The following SMG6 variants were observed in gnomAD, a reference collection of about 807,000 sequenced individuals.
SMG6 encodes the protein SMG6 nonsense mediated mRNA decay factor.
In SMG6, 66 loss-of-function variants were observed where a neutral mutation model predicts 142.2. The ratio of observed to expected loss-of-function variants is 0.46; its 90% confidence interval spans 0.38 to 0.57. The LOEUF is 0.57. Among genes scored for constraint, SMG6 ranks in the 20% least tolerant of loss-of-function variants. The pLI, the probability that SMG6 is intolerant of heterozygous loss-of-function variation, is 0.00. For synonymous variants in SMG6, 779 were observed against 702.4 expected (o/e 1.11, Z -1.72); for missense variants, 1,793 against 1,832.0 (o/e 0.98, Z 0.39).
chr17:2,250,622 C>A (rs1399964913), intron 8 of SMG6, among the ~76,000 whole-genome samples: 1 of 151,970 alleles, frequency 6.6e-6, no homozygotes, highest in South Asian at 2.1e-4. Flanking sequence ...TGGGCTCAAG[C>A]GATCCTCTGC....
chr17:2,298,885 C>A, intron 2 of SMG6, 21 bp downstream of exon 2: 2 of 1,597,082 alleles, frequency 1.3e-6, no homozygotes, highest in South Asian at 1.1e-5. Context: ...TTCCCTCCAG[C>A]CAGAATAGAC....
At chr17:2,107,624 C>T (rs1316431770) in intron 13 of SMG6, among the ~76,000 whole-genome samples, 2 of 152,166 alleles carry the variant, frequency 1.3e-5, no homozygotes, top group Non-Finnish European at 2.9e-5. Context: ...CTCCTCTGGG[C>T]ACTAGTTCAC....
chr17:2,286,535 G>T (rs998531200), intron 6 of SMG6, among the ~76,000 whole-genome samples: 3 of 152,122 alleles, frequency 2.0e-5, no homozygotes, highest in Non-Finnish European at 4.4e-5. Flanking sequence ...GGTGCTGAGA[G>T]AATGTAATAA....
chr17:2,215,492 G>A (rs1160898262), intron 10 of SMG6: 3 of 152,092 alleles, frequency 2.0e-5, no homozygotes, highest in Non-Finnish European at 2.9e-5. Context: ...TCATGGAGAG[G>A]TTTATTTTAT....
At chr17:2,302,366 C>A (rs979227963) in intron 1 of SMG6, among the ~76,000 whole-genome samples, 2 of 152,172 alleles carry the variant, frequency 1.3e-5, no homozygotes, top group Non-Finnish European at 2.9e-5. Context: ...CACGGAGAAA[C>A]CCCGTCACTA....
intron 6 of SMG6, among the ~76,000 whole-genome samples, chr17:2,291,362 CTAGA>C (rs1046981070): frequency 6.6e-6 from 1 of 150,680 alleles, no homozygotes; most frequent in African/African-American, 2.4e-5. Context: ...TGTTCTGACA[CTAGA>C]TAAAGGTGAT....
intron 8 of SMG6, among the ~76,000 whole-genome samples, chr17:2,271,748 AT>A (rs1242552853): frequency 1.3e-5 from 2 of 151,990 alleles, no homozygotes; most frequent in African/African-American, 2.4e-5. Flanking sequence ...AAAGCTGTAA[AT>A]TTTTTTTAAT....
At chr17:2,239,818 A>T (rs545257295) in intron 9 of SMG6, among the ~76,000 whole-genome samples, 1 of 152,384 alleles carries the variant, frequency 6.6e-6, no homozygotes, top group East Asian at 1.9e-4. Context: ...TTATATTTTT[A>T]AAAATTAAAA....
chr17:2,085,906 A>T lies in SMG6; in HGVS notation c.3358-5T>A. ...TTTGCAGTCAGCTGCAATAACCTACAGGGTGAGAGGGAGAGAAGAAAAACA... is the reference window on the plus strand; with the variant it reads ...TTTGCAGTCAGCTGCAATAACCTACTGGGTGAGAGGGAGAGAAGAAAAACA... On this transcript the variant is annotated splice_region_variant and splice_polypyrimidine_tract_variant and intron_variant, in intron 13 of 18. Coordinates refer to ENST00000263073, the MANE Select transcript of SMG6 (RefSeq NM_017575.5). This position sits in a 1 kb window ranked among gnomAD's most constrained non-coding sequence, Gnocchi z 4.1. The T allele has an allele frequency of 6.2e-7, 1 of 1,612,828 alleles. No homozygotes were observed. Among genetic ancestry groups the T allele is most frequent in the Non-Finnish European group, 8.5e-7 (1 of 1,179,518 alleles).
intron 13 of SMG6, among the ~76,000 whole-genome samples, chr17:2,159,922 A>G (rs372428100): frequency 2.0e-5 from 3 of 152,220 alleles, no homozygotes; most frequent in Non-Finnish European, 2.9e-5. Context: ...AGTATATACT[A>G]TATGATTCCA....
chr17:2,155,617 C>T (rs1391842805), intron 13 of SMG6, among the ~76,000 whole-genome samples: 2 of 152,172 alleles, frequency 1.3e-5, no homozygotes, highest in Non-Finnish European at 2.9e-5. Flanking sequence ...AAGAAGAGAA[C>T]ACATCCCACT....
intron 10 of SMG6, among the ~76,000 whole-genome samples, chr17:2,226,916 A>C (rs2073337039): frequency 6.6e-6 from 1 of 152,204 alleles, no homozygotes; most frequent in African/African-American, 2.4e-5. Context: ...AAAGGAAAAA[A>C]AGCAAGTGGG....
intron 8 of SMG6, among the ~76,000 whole-genome samples, chr17:2,276,205 T>C (rs551884001): frequency 6.6e-6 from 1 of 152,310 alleles, no homozygotes; most frequent in African/African-American, 2.4e-5. Context: ...CCTTTCCTTA[T>C]GTGTGATTTT....
chr17:2,160,351 C>T (rs1194100615), intron 13 of SMG6, among the ~76,000 whole-genome samples: 2 of 152,112 alleles, frequency 1.3e-5, no homozygotes, highest in Non-Finnish European at 2.9e-5. Flanking sequence ...TCCCAAGTAG[C>T]TGGGATTACA....
chr17:2,087,002 T>C (rs930484223), intron 13 of SMG6: 78 of 1,288,480 alleles, frequency 6.1e-5, no homozygotes, highest in South Asian at 1.6e-4. Context: ...TTTTAATGCA[T>C]CCTCGTTTCT....
intron 8 of SMG6, chr17:2,266,269 CACGCACGCGAACA>C: frequency 1.4e-6 from 1 of 704,614 alleles, no homozygotes; most frequent in Non-Finnish European, 1.7e-6. Context: ...AGAATATACA[CACGCACGCGAACA>C]GGATATGCTG....
intron 8 of SMG6, chr17:2,266,034 A>G (rs2074415972): frequency 1.2e-5 from 12 of 985,226 alleles, no homozygotes; most frequent in Non-Finnish European, 1.3e-5. Context: ...ATTTTCAAAC[A>G]CTTTACCAGG....
In SMG6 at chr17:2,224,716, AAACC is replaced by A. The variant is rs34427018; in HGVS notation, c.2869+11772_2869+11775del. Among the ~76,000 whole-genome samples, 215 of 152,028 alleles carry A rather than the reference AAACC, an allele frequency of 1.4e-3. 2 individuals are homozygous for A. In the East Asian group the frequency reaches 0.028, roughly 20 times the overall value. ...TAAGAGTTTTCCAAAACTGATAGGA[AAACC>A]AACCAACCAACCAACCAACCAACCA... On this transcript the variant is annotated intron_variant, in intron 10 of 18. Coordinates refer to ENST00000263073, the MANE Select transcript of SMG6 (RefSeq NM_017575.5).
intron 15 of SMG6, among the ~76,000 whole-genome samples, chr17:2,078,986 T>TG (rs1425019099): frequency 1.3e-5 from 2 of 152,172 alleles, no homozygotes; most frequent in Non-Finnish European, 2.9e-5. Context: ...CTTTTTAAGA[T>TG]GGAGTCTTGC....
Sources: gnomAD v4.1 joint callset for allele counts (sites outside exome capture counted in the v4.1 genomes callset) on GRCh38, gnomAD v4.1.1 for gene constraint, Gnocchi (gnomAD v3.1) non-coding constraint, MANE v1.5 for transcripts, NCBI Gene and HGNC (gene_info 2026-07-23, HGNC 2026-07-21) for gene names.